Variants in OSBP2 observed in about 807,000 individuals in gnomAD.
OSBP2 encodes oxysterol binding protein 2, also known as oxysterol-binding protein 2.
A neutral mutation model predicts 96.0 loss-of-function variants in OSBP2; 66 were observed. The ratio of observed to expected loss-of-function variants is 0.69; its 90% confidence interval spans 0.56 to 0.84. OSBP2 has a LOEUF of 0.84. OSBP2 is among the 40% of genes least tolerant of loss of function. The probability of loss-of-function intolerance (pLI) is 0.00; values close to 1 mark genes in which losing one functional copy is unlikely to be tolerated. For synonymous variants in OSBP2, 525 were observed against 520.9 expected, an observed-to-expected ratio of 1.01 and a Z score of -0.11; for missense variants, 1,038 against 1,222.7, an observed-to-expected ratio of 0.85 and a Z score of 2.25.
chr22:30,719,753 C>CAAA (rs573348303), intron 1 of OSBP2, among the ~76,000 whole-genome samples: 2 of 107,794 alleles, frequency 1.9e-5, no homozygotes, highest in Admixed American at 1.0e-4. Context: ...GACTCTGTCT[C>CAAA]AAAAAAAAAA....
In OSBP2 at chr22:30,890,669, G is replaced by A; in HGVS notation, c.1624-59G>A. On this transcript the variant is annotated intron_variant, in intron 7 of 13. Coordinates refer to ENST00000332585, the MANE Select transcript of OSBP2 (RefSeq NM_030758.4). This position sits in a 1 kb window ranked among gnomAD's most constrained non-coding sequence, Gnocchi z 4.4. Reference sequence around the variant, plus strand: ...GTCCCTGAACATCCGAGAAAAGCAAGGGCACCATGCCAAGCCGGGGCTGGT... The same window carrying A: ...GTCCCTGAACATCCGAGAAAAGCAAAGGCACCATGCCAAGCCGGGGCTGGT... 3 of 1,591,062 alleles carry A rather than the reference G, an allele frequency of 1.9e-6. No individual in the cohort carries two copies. Among genetic ancestry groups the A allele is most frequent in the Non-Finnish European group, 1.7e-6 (2 of 1,170,608 alleles).
At chr22:30,779,451 C>T (rs1175142253) in intron 2 of OSBP2, among the ~76,000 whole-genome samples, 1 of 151,942 alleles carries the variant, frequency 6.6e-6, no homozygotes, top group Non-Finnish European at 1.5e-5. Context: ...AAGTGTAAGT[C>T]AACTAGTACA....
intron 2 of OSBP2, among the ~76,000 whole-genome samples, chr22:30,798,410 A>G (rs1341014751): frequency 1.3e-5 from 2 of 152,222 alleles, no homozygotes; most frequent in African/African-American, 4.8e-5. Flanking sequence ...CCTTGGAGGC[A>G]TAAATTTTTT....
At chr22:30,694,316 T>C, upstream of OSBP2, 5 of 1,548,706 alleles carry the variant, frequency 3.2e-6, no homozygotes, top group Non-Finnish European at 4.4e-6. Flanking sequence ...CCACCGCTTC[T>C]GGCGGCCGCA....
chr22:30,717,375 C>T (rs576218684), intron 1 of OSBP2, among the ~76,000 whole-genome samples: 1 of 152,294 alleles, frequency 6.6e-6, no homozygotes, highest in East Asian at 1.9e-4. Flanking sequence ...TCCTTTCCCC[C>T]ACTGAGTCAT....
At chr22:30,895,173 C>T (rs2040036205) in intron 12 of OSBP2, among the ~76,000 whole-genome samples, 2 of 152,074 alleles carry the variant, frequency 1.3e-5, no homozygotes, top group African/African-American at 2.4e-5. Flanking sequence ...GATGCACATT[C>T]GCTTCTGAGT....
intron 1 of OSBP2, among the ~76,000 whole-genome samples, chr22:30,699,962 T>G (rs1425097458): frequency 7.2e-5 from 11 of 151,942 alleles, no homozygotes; most frequent in Non-Finnish European, 1.5e-5. Context: ...AAGATTCTTT[T>G]TTTCTTTTTT....
chr22:30,903,505 T>G (rs554958838), intron 12 of OSBP2, among the ~76,000 whole-genome samples: 2 of 152,344 alleles, frequency 1.3e-5, no homozygotes, highest in African/African-American at 4.8e-5. Context: ...GGAATAGCAG[T>G]AGGGAGTCCA....
At position 30,895,248 on chromosome 22, in the gene OSBP2, C is replaced by G. The variant is rs191414090; in HGVS notation, c.2375+1247C>G. 4.7e-3 allele frequency among the ~76,000 whole-genome samples: 698 copies of G among 150,100 alleles called. 6 individuals are homozygous for G. Among genetic ancestry groups the G allele is most frequent in the African/African-American group, 0.015 (627 of 40,634 alleles). On this transcript the variant is annotated intron_variant, in intron 12 of 13. Coordinates refer to ENST00000332585, the MANE Select transcript of OSBP2 (RefSeq NM_030758.4). ...AAAATAACCCATTTAGCTGGAATCC[C>G]AGAAGGAAAGAAGAAGAAGAAGAAA...
intron 2 of OSBP2, among the ~76,000 whole-genome samples, chr22:30,842,121 A>AT (rs759095072): frequency 1.4e-4 from 22 of 151,894 alleles, no homozygotes; most frequent in Admixed American, 2.6e-4. Flanking sequence ...TTACTTTTGT[A>AT]TTTTTTGTAG....
intron 1 of OSBP2, among the ~76,000 whole-genome samples, chr22:30,700,983 T>C (rs2089151173): frequency 6.6e-6 from 1 of 151,628 alleles, no homozygotes; most frequent in Admixed American, 6.6e-5. Context: ...TAATCCCAGC[T>C]ACTCGGGAGG....
chr22:30,866,746 GA>G (rs34739677), intron 2 of OSBP2, among the ~76,000 whole-genome samples: 1,669 of 148,844 alleles, frequency 0.011, 18 homozygotes, highest in East Asian at 0.039. Context: ...CAAAAAACAG[GA>G]AAAAAAAAAA....
chr22:30,707,747 T>G (rs2089278031), intron 1 of OSBP2, among the ~76,000 whole-genome samples: 1 of 151,718 alleles, frequency 6.6e-6, no homozygotes, highest in Non-Finnish European at 1.5e-5. Flanking sequence ...GTACTTTTTG[T>G]AATTTTGTGT....
intron 2 of OSBP2, among the ~76,000 whole-genome samples, chr22:30,752,588 C>T (rs1054043383): frequency 6.6e-6 from 1 of 151,982 alleles, no homozygotes; most frequent in African/African-American, 2.4e-5. Context: ...CCGCGCCGGG[C>T]CCAGGGTTCT....
At chr22:30,700,756 A>G (rs2089145214) in intron 1 of OSBP2, among the ~76,000 whole-genome samples, 1 of 152,122 alleles carries the variant, frequency 6.6e-6, no homozygotes, top group East Asian at 1.9e-4. Context: ...GCCTAGGTCT[A>G]TAAGGTAGAT....
chr22:30,877,600 C>T (rs999812154), intron 3 of OSBP2, among the ~76,000 whole-genome samples: 5 of 152,208 alleles, frequency 3.3e-5, no homozygotes, highest in Admixed American at 6.5e-5. Flanking sequence ...GAGCAGGTTC[C>T]GTCTGCAGGC....
Position 30,880,642 on chromosome 22 carries a change from G to A in OSBP2, c.1108-6784G>A, listed in dbSNP as rs895826917. The stretch of plus-strand genomic sequence containing the variant: ...TCTGCATGCTCCCAAGAGCCTGAGA[G>A]GCTGCCCTAGGTCACACACAGGGGA... On this transcript the variant is annotated intron_variant, in intron 3 of 13. Coordinates refer to ENST00000332585, the MANE Select transcript of OSBP2 (RefSeq NM_030758.4). Among the ~76,000 whole-genome samples, 5 of 152,208 alleles carry A rather than the reference G, an allele frequency of 3.3e-5. 1 individual carries two copies. The highest frequency in any genetic ancestry group is 1.2e-4 in the African/African-American group (5 of 41,448).
rs1454298901 is a variant in OSBP2, at chr22:30,730,763, T to TC, written c.645-10397dup. On this transcript the variant is annotated intron_variant, in intron 1 of 13. Coordinates refer to ENST00000332585, the MANE Select transcript of OSBP2 (RefSeq NM_030758.4). ...CTCTCTCTCTCTCTCTCTCTCTCTC[T>TC]CTCTCTCTCTCTATATATATATATA... Among the ~76,000 whole-genome samples, 52 of 47,882 alleles carry TC rather than the reference T, an allele frequency of 1.1e-3. 5 individuals are homozygous for TC. Among genetic ancestry groups the TC allele is most frequent in the South Asian group, 8.4e-3 (8 of 956 alleles). The allele number at this position is 47,882 out of a possible 152,430, so 31.4% of individuals were successfully genotyped here.
At chr22:30,705,380 G>A (rs767084025) in intron 1 of OSBP2, among the ~76,000 whole-genome samples, 1 of 152,122 alleles carries the variant, frequency 6.6e-6, no homozygotes, top group East Asian at 1.9e-4. Flanking sequence ...CGCAACCTCC[G>A]CCTCCCGGGT....
Sources: gnomAD v4.1 joint callset for allele counts (sites outside exome capture counted in the v4.1 genomes callset) on GRCh38, gnomAD v4.1.1 for gene constraint, Gnocchi (gnomAD v3.1) non-coding constraint, MANE v1.5 for transcripts, NCBI Gene and HGNC (gene_info 2026-07-23, HGNC 2026-07-21) for gene names.